Variants in EFCAB6 observed in about 807,000 individuals in gnomAD.
EFCAB6 encodes the protein EF-hand calcium binding domain 6.
In EFCAB6, 156 loss-of-function variants were observed where a neutral mutation model predicts 169.8. That is an observed-to-expected ratio of 0.92 (90% CI 0.81 to 1.05). The LOEUF (loss-of-function observed/expected upper bound fraction) is 1.05. EFCAB6 is among the 50% of genes least tolerant of loss of function. EFCAB6 has a pLI of 0.00. For synonymous variants in EFCAB6, 698 were observed against 676.4 expected (o/e 1.03, Z -0.50); for missense variants, 1,800 against 1,829.1 (o/e 0.98, Z 0.29).
In EFCAB6 at chr22:43,534,774, C is replaced by A; in HGVS notation, c.4147G>T (p.Asp1383Tyr). 1 of 1,613,994 alleles carries A rather than the reference C, an allele frequency of 6.2e-7. No homozygotes were observed. Among genetic ancestry groups the A allele is most frequent in the South Asian group, 1.1e-5 (1 of 91,012 alleles). Residue 1383 changes from aspartate (D) to tyrosine (Y), a missense_variant, in exon 30 of 32, where the codon GAC becomes TAC. By Grantham distance (160) the Asp-to-Tyr change is radical (BLOSUM62 -3). Transcript: ENST00000262726. The stretch of plus-strand genomic sequence containing the variant: ...AGGAGGACACAGCTCTGAATGAAGT[C>A]ACAGTATGCAAATTTCCCGTTGCTC... ...LKSNGKFAYC[D>Y]FIQSCVLLLK...
At chr22:43,734,477 AACAG>A (rs1029047696) in intron 7 of EFCAB6, among the ~76,000 whole-genome samples, 14 of 152,310 alleles carry the variant, frequency 9.2e-5, no homozygotes, top group East Asian at 3.9e-4. Flanking sequence ...GAGATGGGGA[AACAG>A]ACAGTAACAT....
chr22:43,793,061 C>G (rs1298713320), intron 2 of EFCAB6, among the ~76,000 whole-genome samples: 2 of 152,114 alleles, frequency 1.3e-5, no homozygotes, highest in African/African-American at 4.8e-5. Flanking sequence ...GGGCTTTGGC[C>G]TCATGCCTTA....
chr22:43,581,405 C>G (rs1193018530), intron 24 of EFCAB6, among the ~76,000 whole-genome samples: 1 of 152,026 alleles, frequency 6.6e-6, no homozygotes, highest in South Asian at 2.1e-4. Flanking sequence ...GATGGCTCAG[C>G]AAGGACATCC....
At chr22:43,610,245 T>C (rs546153642) in intron 21 of EFCAB6, among the ~76,000 whole-genome samples, 25 of 152,300 alleles carry the variant, frequency 1.6e-4, no homozygotes, top group Admixed American at 1.4e-3. Context: ...CACTGAGAGA[T>C]GATAGTTGCA....
intron 6 of EFCAB6, among the ~76,000 whole-genome samples, chr22:43,751,723 T>A (rs564838760): frequency 3.4e-4 from 52 of 152,360 alleles, no homozygotes; most frequent in Admixed American, 9.1e-4. Context: ...GCGGTGATGA[T>A]GAACAGAAAG....
chr22:43,623,739 C>CAAAAAAAAAAA (rs137720), intron 20 of EFCAB6, among the ~76,000 whole-genome samples: 4 of 95,264 alleles, frequency 4.2e-5, no homozygotes, highest in African/African-American at 7.9e-5. Flanking sequence ...ACTAAAAATA[C>CAAAAAAAAAAA]AAAAAAAAAA....
Position 43,537,215 on chromosome 22 carries a change from C to T in EFCAB6, c.4048+162G>A. 1.2e-6 allele frequency: 1 copy of T among 842,324 alleles called. No individual in the cohort carries two copies. The highest frequency in any genetic ancestry group is 1.8e-6 in the Non-Finnish European group (1 of 542,280). 52.2% of individuals were successfully genotyped at this position (842,324 alleles called of 1,614,324 possible). ...TAGTCGGAATCCTCCTCCATGGGGA[C>T]CTTTGTATAGTAAGCTGCACAGCCC... is the stretch of plus-strand genomic sequence containing the variant. On this transcript the variant is annotated intron_variant, in intron 29 of 31. Transcript: ENST00000262726. The surrounding 1 kb of genome is among the most constrained non-coding windows in gnomAD (Gnocchi z 4.3).
intron 6 of EFCAB6, among the ~76,000 whole-genome samples, chr22:43,741,413 C>G (rs905964333): frequency 6.6e-6 from 1 of 152,202 alleles, no homozygotes; most frequent in Non-Finnish European, 1.5e-5. Flanking sequence ...TCCCTCCCTG[C>G]CTTCGTTCAG....
At chr22:43,533,784 C>T (rs1391008729) in intron 30 of EFCAB6, among the ~76,000 whole-genome samples, 1 of 152,142 alleles carries the variant, frequency 6.6e-6, no homozygotes, top group African/African-American at 2.4e-5. Context: ...CACGTTATCA[C>T]ATGCGTATAG....
intron 27 of EFCAB6, among the ~76,000 whole-genome samples, chr22:43,546,544 A>G (rs1001103722): frequency 1.3e-5 from 2 of 152,240 alleles, no homozygotes; most frequent in Non-Finnish European, 2.9e-5. Context: ...TTCTCTACCC[A>G]GAAAAGTTAC....
intron 20 of EFCAB6, among the ~76,000 whole-genome samples, chr22:43,623,751 A>G: frequency 6.6e-6 from 1 of 150,540 alleles, no homozygotes; most frequent in Non-Finnish European, 1.5e-5. Context: ...AAAAAAAAAA[A>G]AAAAAAAATT....
intron 2 of EFCAB6, among the ~76,000 whole-genome samples, chr22:43,790,697 T>C (rs1271139161): frequency 6.6e-6 from 1 of 152,238 alleles, no homozygotes; most frequent in Non-Finnish European, 1.5e-5. Flanking sequence ...GGAGATGATC[T>C]GGCCTCTGGG....
intron 17 of EFCAB6, among the ~76,000 whole-genome samples, 197 bp from the exon 18 acceptor site, chr22:43,635,413 G>A (rs1309744465): frequency 6.6e-6 from 1 of 152,122 alleles, no homozygotes; most frequent in African/African-American, 2.4e-5. Context: ...TGTTTGTTGG[G>A]TGAGTGAGTG....
At chr22:43,603,008 A>G (rs2052634589) in intron 22 of EFCAB6, among the ~76,000 whole-genome samples, 1 of 151,924 alleles carries the variant, frequency 6.6e-6, no homozygotes, top group African/African-American at 2.4e-5. Flanking sequence ...AATTCACAGC[A>G]TTCAGCAACA....
chr22:43,786,709 A>C (rs892326631), intron 2 of EFCAB6, among the ~76,000 whole-genome samples: 2 of 151,988 alleles, frequency 1.3e-5, no homozygotes, highest in Admixed American at 1.3e-4. Flanking sequence ...GCGAGACTCC[A>C]TAAAAAAAAT....
intron 17 of EFCAB6, among the ~76,000 whole-genome samples, chr22:43,651,357 T>A (rs1211217136): frequency 6.6e-6 from 1 of 152,202 alleles, no homozygotes; most frequent in East Asian, 1.9e-4. Flanking sequence ...AGCTTCCACA[T>A]GGTGTTGAGC....
At chr22:43,766,382 G>A (rs556421652) in intron 4 of EFCAB6, among the ~76,000 whole-genome samples, 6 of 152,234 alleles carry the variant, frequency 3.9e-5, no homozygotes, top group Admixed American at 3.9e-4. Flanking sequence ...GTTTGTGTAT[G>A]TTGTGTGCAT....
At chr22:43,666,338 G>A (rs2057247136) in intron 17 of EFCAB6, among the ~76,000 whole-genome samples, 1 of 152,152 alleles carries the variant, frequency 6.6e-6, no homozygotes. Flanking sequence ...GCATTCTGGA[G>A]GCTTAGAAAT....
At chr22:43,756,615 G>A (rs1476656464) in intron 5 of EFCAB6, among the ~76,000 whole-genome samples, 2 of 152,138 alleles carry the variant, frequency 1.3e-5, no homozygotes, top group East Asian at 1.9e-4. Context: ...GTCTAGGGCC[G>A]TGGTGCTAAG....
Sources: allele counts gnomAD v4.1 joint callset (sites outside exome capture counted in the v4.1 genomes callset), GRCh38; gene constraint gnomAD v4.1.1; non-coding constraint Gnocchi (gnomAD v3.1); transcripts MANE v1.5; gene names NCBI Gene and HGNC (gene_info 2026-07-23, HGNC 2026-07-21).